Variants in PALM2AKAP2 observed in about 807,000 individuals in gnomAD.
PALM2AKAP2 encodes the protein PALM2 and AKAP2 fusion, also known as PALM2-AKAP2 fusion protein.
Under a neutral mutation model 71.5 loss-of-function variants are expected in PALM2AKAP2, and 37 were observed. The ratio of observed to expected loss-of-function variants is 0.52; its 90% CI spans 0.40 to 0.68. The LOEUF is 0.68. Among genes scored for constraint, PALM2AKAP2 ranks in the 30% least tolerant of loss-of-function variants. The pLI, the probability that PALM2AKAP2 is intolerant of heterozygous loss-of-function variation, is 0.00. For synonymous variants in PALM2AKAP2, 468 were observed against 478.8 expected, an observed-to-expected ratio of 0.98 and a Z score of 0.29; for missense variants, 1,224 against 1,191.8, an observed-to-expected ratio of 1.03 and a Z score of -0.40.
chr9:109,743,478 G>A (rs779848784), intron 1 of PALM2AKAP2, among the ~76,000 whole-genome samples: 3 of 152,090 alleles, frequency 2.0e-5, no homozygotes, highest in East Asian at 1.9e-4. Context: ...ATGGAGGGCC[G>A]GCATTGATGA....
Position 110,039,690 on chromosome 9 carries a change from C to T in PALM2AKAP2, c.582+23651C>T, listed in dbSNP as rs1833478223. On this transcript the variant is annotated intron_variant, in intron 7 of 9. Coordinates refer to the PALM2AKAP2 transcript ENST00000302798. ...ATGTAAAGAAAATTCCGAAGTCAAA[C>T]ATAGTAGCAGCAGCAGCAGCAGCAG... Among the ~76,000 whole-genome samples the T allele has an allele frequency of 1.0e-4, 10 of 96,656 alleles. No homozygotes were observed. In the Admixed American group the frequency reaches 1.1e-3, roughly 11 times the overall value. 63.4% of individuals were successfully genotyped at this position (96,656 alleles called of 152,430 possible).
At chr9:109,676,326 T>G (rs1001814631) in intron 1 of PALM2AKAP2, among the ~76,000 whole-genome samples, 1 of 152,088 alleles carries the variant, frequency 6.6e-6, no homozygotes, top group African/African-American at 2.4e-5. Context: ...AATCTTGGAG[T>G]GTAGCTAATG....
intron 1 of PALM2AKAP2, among the ~76,000 whole-genome samples, chr9:109,764,524 C>T (rs938343989): frequency 6.6e-6 from 1 of 152,170 alleles, no homozygotes; most frequent in Non-Finnish European, 1.5e-5. Context: ...CTGGCAGTTC[C>T]CCTAGATCCC....
intron 1 of PALM2AKAP2, among the ~76,000 whole-genome samples, chr9:109,850,787 G>A (rs1293902259): frequency 6.6e-6 from 1 of 152,200 alleles, no homozygotes; most frequent in Non-Finnish European, 1.5e-5. Context: ...GAGAAAGAAA[G>A]AGCTCAAACA....
At chr9:110,002,845 G>T (rs1832704531) in intron 6 of PALM2AKAP2, among the ~76,000 whole-genome samples, 2 of 152,238 alleles carry the variant, frequency 1.3e-5, no homozygotes, top group Admixed American at 1.3e-4. Flanking sequence ...TTCTCTGATG[G>T]TAGTTTGTAT....
At chr9:109,990,683 C>T (rs1292757009) in intron 6 of PALM2AKAP2, among the ~76,000 whole-genome samples, 2 of 152,220 alleles carry the variant, frequency 1.3e-5, no homozygotes, top group Non-Finnish European at 2.9e-5. Flanking sequence ...AAGGCAGCTT[C>T]GCTTTACTGC....
chr9:110,036,300 C>T (rs755932594), intron 7 of PALM2AKAP2, among the ~76,000 whole-genome samples: 6 of 151,954 alleles, frequency 3.9e-5, no homozygotes, highest in African/African-American at 7.3e-5. Flanking sequence ...TTTTTGAACC[C>T]GTTAATAAGA....
chr9:109,964,372 T>G (rs369075157), intron 6 of PALM2AKAP2, among the ~76,000 whole-genome samples: 1 of 127,076 alleles, frequency 7.9e-6, no homozygotes, highest in African/African-American at 2.8e-5. Flanking sequence ...AATGGGCTAC[T>G]GCAGGCAGAG....
chr9:110,048,726 C>A (rs746965383), exon 1 of PALM2AKAP2: 3 of 1,547,028 alleles, frequency 1.9e-6, no homozygotes, highest in African/African-American at 2.8e-5. Flanking sequence ...CCGGGGCTGC[C>A]GCTCGCCTTC....
At position 110,156,304 on chromosome 9, in the gene PALM2AKAP2, T is replaced by A; in HGVS notation, c.2570-15T>A. Reference sequence around the variant, plus strand: ...AGACAAGCTTAGAAAGGGTATTTTCTTCGTGTTGTTTCAGGGAAAATAGAG... The same window carrying A: ...AGACAAGCTTAGAAAGGGTATTTTCATCGTGTTGTTTCAGGGAAAATAGAG... On this transcript the variant is annotated splice_polypyrimidine_tract_variant and intron_variant, in intron 2 of 3. Transcript: ENST00000374525. 6.4e-7 allele frequency: 1 copy of A among 1,553,290 alleles called. No individual in the cohort carries two copies. Among genetic ancestry groups the A allele is most frequent in the Non-Finnish European group, 8.7e-7 (1 of 1,150,394 alleles).
At chr9:109,707,634 G>A (rs1828164310) in intron 1 of PALM2AKAP2, among the ~76,000 whole-genome samples, 1 of 152,120 alleles carries the variant, frequency 6.6e-6, no homozygotes, top group Non-Finnish European at 1.5e-5. Context: ...GGTCCTGCCT[G>A]TTTCCAAGCC....
chr9:110,123,603 C>T (rs1289883120), intron 1 of PALM2AKAP2, among the ~76,000 whole-genome samples: 1 of 152,130 alleles, frequency 6.6e-6, no homozygotes, highest in Non-Finnish European at 1.5e-5. Flanking sequence ...GTGGGTGGAG[C>T]ATATGTGTGT....
chr9:109,710,103 G>T (rs2118605020), intron 1 of PALM2AKAP2, among the ~76,000 whole-genome samples: 2 of 152,332 alleles, frequency 1.3e-5, no homozygotes, highest in Admixed American at 1.3e-4. Flanking sequence ...ATTGCTGGCA[G>T]CTGGCAGAAG....
At chr9:109,890,430 G>A (rs1218288929) in intron 3 of PALM2AKAP2, among the ~76,000 whole-genome samples, 1 of 152,176 alleles carries the variant, frequency 6.6e-6, no homozygotes, top group African/African-American at 2.4e-5. Flanking sequence ...GACAGCGAAC[G>A]GGTGATAAAA....
intron 3 of PALM2AKAP2, among the ~76,000 whole-genome samples, chr9:109,913,101 G>A (rs1402825345): frequency 1.3e-5 from 2 of 152,134 alleles, no homozygotes; most frequent in African/African-American, 4.8e-5. Context: ...AGGGACCCTG[G>A]GCAGGCAAAA....
chr9:109,921,252 G>A (rs1184742868), intron 3 of PALM2AKAP2, among the ~76,000 whole-genome samples: 1 of 152,088 alleles, frequency 6.6e-6, no homozygotes, highest in African/African-American at 2.4e-5. Context: ...GGTGTATTGA[G>A]CATTTGTGCC....
intron 6 of PALM2AKAP2, among the ~76,000 whole-genome samples, chr9:110,004,736 T>C (rs1374573646): frequency 6.6e-6 from 1 of 152,216 alleles, no homozygotes; most frequent in Non-Finnish European, 1.5e-5. Flanking sequence ...TACTTTTTAT[T>C]CTTTTTTCTC....
intron 1 of PALM2AKAP2, among the ~76,000 whole-genome samples, chr9:110,098,153 AAGAGGGGAGAGGGG>A (rs1274398379): frequency 2.2e-4 from 27 of 122,474 alleles, no homozygotes; most frequent in African/African-American, 4.4e-4. Context: ...AGACAGTGGA[AAGAGGGGAGAGGGG>A]AGAGGGGAGA....
intron 1 of PALM2AKAP2, among the ~76,000 whole-genome samples, chr9:109,667,688 G>A (rs1827508443): frequency 6.6e-6 from 1 of 152,042 alleles, no homozygotes; most frequent in South Asian, 2.1e-4. Context: ...AGTTACTCAG[G>A]AGGCTGAGGT....
Sources: gnomAD v4.1 joint callset for allele counts (sites outside exome capture counted in the v4.1 genomes callset) on GRCh38, gnomAD v4.1.1 for gene constraint, MANE v1.5 for transcripts, NCBI Gene and HGNC (gene_info 2026-07-23, HGNC 2026-07-21) for gene names.